Variants in FSTL4 observed in about 807,000 individuals in gnomAD.
FSTL4 encodes the protein follistatin like 4, also known as follistatin-related protein 4.
Under a neutral mutation model 78.2 loss-of-function variants are expected in FSTL4, and 28 were observed. The observed-to-expected ratio is 0.36, with a 90% CI of 0.27 to 0.49. The LOEUF (loss-of-function observed/expected upper bound fraction) is 0.49. Ranked by LOEUF, FSTL4 falls within the 20% of genes least tolerant of loss-of-function variation. The pLI, the probability that FSTL4 is intolerant of heterozygous loss-of-function variation, is 0.98. For synonymous variants in FSTL4, 422 were observed against 440.5 expected, an observed-to-expected ratio of 0.96 and a Z score of 0.53; for missense variants, 922 against 1,084.9, an observed-to-expected ratio of 0.85 and a Z score of 2.11.
chr5:133,802,342 G>A, the FSTL4 span, among the ~76,000 whole-genome samples: 1 of 152,190 alleles, frequency 6.6e-6, no homozygotes, highest in Non-Finnish European at 1.5e-5. Flanking sequence ...ACTCCTGGAT[G>A]GGGTGTTTTC....
chr5:133,693,508 C>T, the FSTL4 span, among the ~76,000 whole-genome samples: 6 of 152,082 alleles, frequency 3.9e-5, no homozygotes, highest in Non-Finnish European at 7.4e-5. Context: ...GAAGAACTGG[C>T]GTGGATTAGT....
At chr5:133,610,579 G>A (rs1331250860) in intron 1 of FSTL4, among the ~76,000 whole-genome samples, 1 of 152,196 alleles carries the variant, frequency 6.6e-6, no homozygotes, top group African/African-American at 2.4e-5. Flanking sequence ...GCATCTGCTC[G>A]TATGTCCGGC....
intron 3 of FSTL4, among the ~76,000 whole-genome samples, chr5:133,405,245 C>T (rs1171922584): frequency 6.6e-6 from 1 of 152,228 alleles, no homozygotes; most frequent in East Asian, 1.9e-4. Flanking sequence ...TGGCTTGGCT[C>T]TGAGGAGGCA....
chr5:133,239,539 C>A (rs1215846948), intron 7 of FSTL4, among the ~76,000 whole-genome samples: 2 of 151,912 alleles, frequency 1.3e-5, no homozygotes, highest in Non-Finnish European at 1.5e-5. Flanking sequence ...CACCCTGTGT[C>A]TAGCTCATGG....
the FSTL4 span, among the ~76,000 whole-genome samples, chr5:133,805,314 G>A: frequency 7.2e-5 from 11 of 152,070 alleles, no homozygotes; most frequent in Admixed American, 6.5e-4. Flanking sequence ...AAGAGCCTCC[G>A]CCTCCACTCC....
chr5:133,658,244 A>G, the FSTL4 span, among the ~76,000 whole-genome samples: 1 of 152,174 alleles, frequency 6.6e-6, no homozygotes, highest in Admixed American at 6.5e-5. Flanking sequence ...CTTTCACTGT[A>G]TTGTTTTTAT....
chr5:133,384,189 A>T (rs569437698), intron 4 of FSTL4, among the ~76,000 whole-genome samples: 56 of 152,278 alleles, frequency 3.7e-4, no homozygotes, highest in African/African-American at 1.3e-3. Context: ...CAGGAAAGGA[A>T]GGTGCAATGA....
At chr5:133,323,438 T>A (rs1754122799) in intron 4 of FSTL4, among the ~76,000 whole-genome samples, 2 of 152,222 alleles carry the variant, frequency 1.3e-5, no homozygotes. Context: ...TCCCCTTTAC[T>A]GTGGGGCCTG....
the FSTL4 span, among the ~76,000 whole-genome samples, chr5:133,797,586 G>A: frequency 0.31 from 46,503 of 151,952 alleles, 7,692 homozygotes; most frequent in African/African-American, 0.43. Context: ...TTCCCTTCCC[G>A]TCATGGCCAA....
chr5:133,216,383 C>G (rs938267824), intron 13 of FSTL4, among the ~76,000 whole-genome samples: 1 of 147,870 alleles, frequency 6.8e-6, no homozygotes, highest in Non-Finnish European at 1.5e-5. Context: ...CTCCACCTCC[C>G]GGGTTGAAGT....
intron 7 of FSTL4, among the ~76,000 whole-genome samples, chr5:133,239,079 G>A (rs1050187276): frequency 2.0e-5 from 3 of 152,210 alleles, no homozygotes; most frequent in African/African-American, 4.8e-5. Context: ...CCCCGCACTC[G>A]GAGTGGCTGC....
chr5:133,300,281 G>A (rs1260727265), intron 6 of FSTL4, among the ~76,000 whole-genome samples: 2 of 152,210 alleles, frequency 1.3e-5, no homozygotes, highest in Non-Finnish European at 2.9e-5. Flanking sequence ...TACCAAGTCT[G>A]CTCTTTCACT....
At chr5:133,631,218 A>C in the FSTL4 span, among the ~76,000 whole-genome samples, 3 of 152,132 alleles carry the variant, frequency 2.0e-5, no homozygotes, top group East Asian at 5.8e-4. Flanking sequence ...GGCAACCTAC[A>C]GAATGGGAGA....
At chr5:133,451,142 G>A (rs573267111) in intron 3 of FSTL4, among the ~76,000 whole-genome samples, 2 of 152,342 alleles carry the variant, frequency 1.3e-5, no homozygotes, top group African/African-American at 4.8e-5. Flanking sequence ...CTAGAGGGCA[G>A]GTTGAATTGA....
the FSTL4 span, among the ~76,000 whole-genome samples, chr5:133,701,509 A>C: frequency 0.036 from 4,733 of 132,598 alleles, 94 homozygotes; most frequent in African/African-American, 0.045. Flanking sequence ...ACACACACAC[A>C]CCCCACAGGC....
At chr5:133,782,646 C>A in the FSTL4 span, among the ~76,000 whole-genome samples, 2 of 152,314 alleles carry the variant, frequency 1.3e-5, no homozygotes, top group South Asian at 4.1e-4. Context: ...GCTGGGAGAG[C>A]CAGCAGCAGC....
At chr5:133,655,139 C>T in the FSTL4 span, among the ~76,000 whole-genome samples, 2 of 152,200 alleles carry the variant, frequency 1.3e-5, no homozygotes, top group Non-Finnish European at 2.9e-5. Flanking sequence ...TCTTTTAACT[C>T]TCCATCTAGT....
chr5:133,333,109 T>C (rs1441009374), intron 4 of FSTL4, among the ~76,000 whole-genome samples: 3 of 152,156 alleles, frequency 2.0e-5, no homozygotes, highest in African/African-American at 7.2e-5. Context: ...CCAGTGACAC[T>C]GCACATGTGG....
the FSTL4 span, among the ~76,000 whole-genome samples, chr5:133,726,994 A>G: frequency 6.6e-6 from 1 of 152,196 alleles, no homozygotes; most frequent in Admixed American, 6.5e-5. Context: ...AGACCGTGGC[A>G]TGTCGGTGTA....
Sources: allele counts gnomAD v4.1 joint callset (sites outside exome capture counted in the v4.1 genomes callset), GRCh38; gene constraint gnomAD v4.1.1; transcripts MANE v1.5; gene names NCBI Gene and HGNC (gene_info 2026-07-23, HGNC 2026-07-21).